The following LRPPRC variants were observed in gnomAD, a reference collection of about 807,000 sequenced individuals.
LRPPRC encodes leucine rich pentatricopeptide repeat containing, also known as leucine-rich PPR motif-containing protein, mitochondrial.
In LRPPRC, 120 loss-of-function variants were observed where a neutral mutation model predicts 180.3. That is an observed-to-expected ratio of 0.67 (90% CI 0.57 to 0.77). LRPPRC has a LOEUF of 0.77. Among genes scored for constraint, LRPPRC ranks in the 30% least tolerant of loss-of-function variants. LRPPRC has a pLI of 0.00. For synonymous variants in LRPPRC, 723 were observed against 600.0 expected (o/e 1.21, Z -3.00); for missense variants, 2,012 against 1,657.2 (o/e 1.21, Z -3.72).
intron 11 of LRPPRC, among the ~76,000 whole-genome samples, chr2:43,967,977 T>C (rs1553409559): frequency 6.6e-6 from 1 of 152,114 alleles, no homozygotes; most frequent in Non-Finnish European, 1.5e-5. Flanking sequence ...TTCCTAGTAA[T>C]AGATTTGTGT....
chr2:43,900,976 G>A (rs1257363958), intron 32 of LRPPRC, among the ~76,000 whole-genome samples: 1 of 152,040 alleles, frequency 6.6e-6, no homozygotes, highest in Non-Finnish European at 1.5e-5. Flanking sequence ...TATTCTACTA[G>A]TGTCCCTATC....
At chr2:43,993,729 T>C (rs1402874408) in intron 1 of LRPPRC, among the ~76,000 whole-genome samples, 1 of 119,664 alleles carries the variant, frequency 8.4e-6, no homozygotes, top group Admixed American at 8.5e-5. Flanking sequence ...TAGCTTACCT[T>C]CTACTAAAGA....
Position 43,925,066 on chromosome 2 carries a change from CTA to C in LRPPRC, c.2895_2896del (p.Tyr965Ter), listed in dbSNP as rs751841600. On this transcript the variant is annotated stop_gained and frameshift_variant and splice_region_variant, in exon 27 of 38. Transcript: ENST00000260665. LOFTEE classifies it high-confidence loss of function. ...GCGTGAAGAATAGTTAAATCACTTA[CTA>C]TACAGTTTTAGCAGATTGTAGTACA... 1.4e-6 allele frequency: 2 copies of C among 1,461,742 alleles called. No homozygotes were observed. The highest frequency in any genetic ancestry group is 2.3e-5 in the South Asian group (2 of 88,060). The allele number at this position is 1,461,742 out of a possible 1,614,324, so 90.5% of individuals were successfully genotyped here.
chr2:43,991,249 C>A (rs1458246168), intron 1 of LRPPRC, among the ~76,000 whole-genome samples: 1 of 152,048 alleles, frequency 6.6e-6, no homozygotes, highest in Non-Finnish European at 1.5e-5. Flanking sequence ...CCAGGCTGGT[C>A]TCAAACTCCT....
intron 23 of LRPPRC, among the ~76,000 whole-genome samples, chr2:43,937,210 G>A: frequency 6.6e-6 from 1 of 151,862 alleles, no homozygotes; most frequent in East Asian, 1.9e-4. Flanking sequence ...AACAACAACA[G>A]AAAAAACAAG....
Position 43,901,577 on chromosome 2 carries a change from A to C in LRPPRC, c.3365-53T>G, listed in dbSNP as rs1402186457. On this transcript the variant is annotated intron_variant, in intron 31 of 37. Coordinates refer to ENST00000260665, the MANE Select transcript of LRPPRC (RefSeq NM_133259.4). ...TTCTTATATGACCTGTGCTGACTTT[A>C]ATGCATTTTGAAAACCAGCTTTTAA... 4 of 1,183,024 alleles carry C rather than the reference A, an allele frequency of 3.4e-6. No individual in the cohort carries two copies. The Admixed American group carries it at 5.2e-5, about 15-fold the overall frequency. The allele number at this position is 1,183,024 out of a possible 1,614,324, so 73.3% of individuals were successfully genotyped here. A position where few individuals can be genotyped will look rare whatever the true frequency, so the allele number is the denominator to read the frequency against.
chr2:43,960,346 T>A (rs940954325), intron 13 of LRPPRC, among the ~76,000 whole-genome samples, 195 bp downstream of exon 13: 2 of 152,324 alleles, frequency 1.3e-5, no homozygotes, highest in Admixed American at 1.3e-4. Flanking sequence ...ATATTACATA[T>A]AATATTCAAT....
At chr2:43,935,886 G>A (rs540098029) in intron 23 of LRPPRC, among the ~76,000 whole-genome samples, 2 of 152,186 alleles carry the variant, frequency 1.3e-5, no homozygotes, top group Non-Finnish European at 2.9e-5. Context: ...GCCAAGGAGG[G>A]CGGATCACCT....
intron 11 of LRPPRC, among the ~76,000 whole-genome samples, chr2:43,971,901 A>C (rs1225527365): frequency 6.6e-6 from 1 of 152,208 alleles, no homozygotes; most frequent in East Asian, 1.9e-4. Flanking sequence ...TAAAACTGAC[A>C]ATCTTTTGCA....
chr2:43,963,142 G>A (rs1400820806), intron 12 of LRPPRC, among the ~76,000 whole-genome samples: 2 of 152,224 alleles, frequency 1.3e-5, no homozygotes, highest in Admixed American at 1.3e-4. Context: ...TTTTTACAAA[G>A]CTTTAGAAAA....
chr2:43,900,521 G>A (rs1670846425), intron 32 of LRPPRC, among the ~76,000 whole-genome samples: 3 of 152,068 alleles, frequency 2.0e-5, no homozygotes, highest in Admixed American at 2.0e-4. Context: ...GTTCTTAGAT[G>A]AGTAATTTCT....
intron 23 of LRPPRC, among the ~76,000 whole-genome samples, chr2:43,939,544 A>G (rs1441563679): frequency 9.2e-5 from 14 of 152,328 alleles, no homozygotes; most frequent in African/African-American, 2.9e-4. Context: ...AAAACAAACT[A>G]TCTTACAAAT....
intron 1 of LRPPRC, among the ~76,000 whole-genome samples, chr2:43,984,236 T>C (rs892682573): frequency 5.3e-5 from 8 of 152,278 alleles, no homozygotes; most frequent in African/African-American, 1.9e-4. Context: ...TGCAATAATA[T>C]TAGTCAACAA....
At chr2:43,922,154 G>T (rs895487761) in intron 27 of LRPPRC, among the ~76,000 whole-genome samples, 3 of 152,210 alleles carry the variant, frequency 2.0e-5, no homozygotes, top group African/African-American at 7.2e-5. Flanking sequence ...GGGAAGGATA[G>T]AAATGAAGTT....
intron 14 of LRPPRC, among the ~76,000 whole-genome samples, chr2:43,951,101 G>C (rs1431782056): frequency 1.3e-5 from 2 of 152,146 alleles, no homozygotes; most frequent in Non-Finnish European, 2.9e-5. Context: ...ACTTGTAATG[G>C]GAAAAACAGT....
rs1670424785 is a variant in LRPPRC, at chr2:43,889,887, G to A, written c.3986-11C>T. ...CATCTTTCTCTGAGACTGACATAAA[G>A]AAAAAAATATATTAATCAGAGATAA... On this transcript the variant is annotated splice_polypyrimidine_tract_variant and intron_variant, in intron 36 of 37. Transcript: ENST00000260665. 2 of 1,590,434 alleles carry A rather than the reference G, an allele frequency of 1.3e-6. No individual in the cohort carries two copies. The highest frequency in any genetic ancestry group is 2.2e-5 in the South Asian group (2 of 90,546).
At chr2:43,938,320 A>G (rs1449170756) in intron 23 of LRPPRC, among the ~76,000 whole-genome samples, 1 of 152,234 alleles carries the variant, frequency 6.6e-6, no homozygotes, top group Non-Finnish European at 1.5e-5. Flanking sequence ...AATTAAAAAT[A>G]TAAGCTTTAC....
At chr2:43,901,294 GGAAA>G (rs1558905585) in intron 32 of LRPPRC, 22 bp downstream of exon 32, 1 of 1,593,342 alleles carries the variant, frequency 6.3e-7, no homozygotes, top group South Asian at 1.1e-5. Flanking sequence ...GACCAATGAA[GGAAA>G]AGAAGGCTTG....
At chr2:43,895,782 T>G (rs1345743079) in intron 35 of LRPPRC, among the ~76,000 whole-genome samples, 1 of 152,202 alleles carries the variant, frequency 6.6e-6, no homozygotes, top group Non-Finnish European at 1.5e-5. Context: ...GTTTGAAACT[T>G]CATAAAGAAC....
Sources: gnomAD v4.1 joint callset for allele counts (sites outside exome capture counted in the v4.1 genomes callset) on GRCh38, gnomAD v4.1.1 for gene constraint, MANE v1.5 for transcripts, NCBI Gene and HGNC (gene_info 2026-07-23, HGNC 2026-07-21) for gene names.